Variants in PCOLCE2 observed in about 807,000 individuals in gnomAD.
PCOLCE2 encodes procollagen C-endopeptidase enhancer 2, also known as procollagen C-proteinase enhancer 2.
Under a neutral mutation model 47.0 loss-of-function variants are expected in PCOLCE2, and 42 were observed. That is an observed-to-expected ratio of 0.89 (90% confidence interval 0.70 to 1.16). PCOLCE2 has a LOEUF of 1.16. PCOLCE2 is among the 50% of genes most tolerant of loss of function. PCOLCE2 has a pLI of 0.00. For missense variants in PCOLCE2, 500 were observed against 526.1 expected (o/e 0.95, Z 0.49); for synonymous variants, 169 against 191.7 (o/e 0.88, Z 0.98).
intron 2 of PCOLCE2, among the ~76,000 whole-genome samples, chr3:142,879,703 C>T (rs1016099552): frequency 6.6e-6 from 1 of 152,182 alleles, no homozygotes; most frequent in Non-Finnish European, 1.5e-5. Context: ...GGCACGGTGG[C>T]TCACGCCTAT....
chr3:142,873,746 G>A (rs1361290906), intron 2 of PCOLCE2, among the ~76,000 whole-genome samples: 1 of 152,190 alleles, frequency 6.6e-6, no homozygotes, highest in Non-Finnish European at 1.5e-5. Flanking sequence ...TCATGTCACC[G>A]ATGTTGGTAC....
chr3:142,840,378 A>G (rs1296202915), intron 4 of PCOLCE2, among the ~76,000 whole-genome samples: 1 of 152,150 alleles, frequency 6.6e-6, no homozygotes, highest in Non-Finnish European at 1.5e-5. Flanking sequence ...ATCAAAGGAA[A>G]CCTCACTGGA....
At chr3:142,879,316 C>A (rs1933559158) in intron 2 of PCOLCE2, among the ~76,000 whole-genome samples, 1 of 151,850 alleles carries the variant, frequency 6.6e-6, no homozygotes, top group Non-Finnish European at 1.5e-5. Context: ...ACTCATTAAA[C>A]CTCTTCTAAG....
chr3:142,853,101 T>TA (rs372555197), intron 2 of PCOLCE2, among the ~76,000 whole-genome samples: 8,847 of 129,922 alleles, frequency 0.068, 259 homozygotes, highest in Middle Eastern at 0.11. Flanking sequence ...AGACCCTGTT[T>TA]AAAAAAAAAA....
At chr3:142,860,600 G>T (rs1265067443) in intron 2 of PCOLCE2, among the ~76,000 whole-genome samples, 1 of 152,112 alleles carries the variant, frequency 6.6e-6, no homozygotes, top group African/African-American at 2.4e-5. Flanking sequence ...TAGAGACAAG[G>T]TTTCACCATG....
At chr3:142,863,530 A>G (rs1344097207) in intron 2 of PCOLCE2, among the ~76,000 whole-genome samples, 1 of 152,140 alleles carries the variant, frequency 6.6e-6, no homozygotes, top group Non-Finnish European at 1.5e-5. Context: ...TACAAGAGAA[A>G]ACAACGTCTG....
rs1280461781 is a variant in PCOLCE2, at chr3:142,875,572, A to C, written c.192+12097T>G. 2.6e-5 allele frequency among the ~76,000 whole-genome samples: 4 copies of C among 152,220 alleles called. No individual in the cohort carries two copies. The East Asian group carries it at 7.7e-4, about 29-fold the overall frequency. ...CAATCAACAGATGAATGTATAAATG[A>C]AATGTCCTTGCTGATGGAAGTACTC... On this transcript the variant is annotated intron_variant, in intron 2 of 8. Coordinates refer to ENST00000295992, the MANE Select transcript of PCOLCE2 (RefSeq NM_013363.4).
chr3:142,833,798 T>A (rs190788113), intron 5 of PCOLCE2, among the ~76,000 whole-genome samples: 1 of 152,286 alleles, frequency 6.6e-6, no homozygotes, highest in East Asian at 1.9e-4. Context: ...CTGTTCCTTG[T>A]TAATTTTTAG....
At chr3:142,860,470 G>T (rs537807250) in intron 2 of PCOLCE2, among the ~76,000 whole-genome samples, 1 of 151,516 alleles carries the variant, frequency 6.6e-6, no homozygotes, top group African/African-American at 2.4e-5. Flanking sequence ...TTGCAATGTC[G>T]CGATCTCGGC....
intron 2 of PCOLCE2, chr3:142,864,290 C>A (rs1251841684): frequency 6.6e-6 from 1 of 152,180 alleles, no homozygotes; most frequent in African/African-American, 2.4e-5. Flanking sequence ...ATGAGAAGCA[C>A]TTATGCTGTG....
Position 142,888,980 on chromosome 3 carries a change from C to CGCTCACACTGGCAGTAGCGCTG in PCOLCE2, c.-85_-84insCAGCGCTACTGCCAGTGTGAGC. 1.9e-6 allele frequency: 1 copy of CGCTCACACTGGCAGTAGCGCTG among 514,054 alleles called. No homozygotes were observed. The highest frequency in any genetic ancestry group is 4.4e-5 in the Admixed American group (1 of 22,646). The allele number at this position is 514,054 out of a possible 1,614,324, so 31.8% of individuals were successfully genotyped here. A position where few individuals can be genotyped will look rare whatever the true frequency, so the allele number is the denominator to read the frequency against. ...TCCGCACCCACCGCGCTCACACCGC[C>CGCTCACACTGGCAGTAGCGCTG]GCTCACACTGGCAGCAGCGCTGGCT... On this transcript the variant is annotated 5_prime_UTR_variant, in exon 1 of 9. Coordinates refer to ENST00000295992, the MANE Select transcript of PCOLCE2 (RefSeq NM_013363.4).
At chr3:142,869,856 G>A (rs1933351896) in intron 2 of PCOLCE2, among the ~76,000 whole-genome samples, 1 of 152,130 alleles carries the variant, frequency 6.6e-6, no homozygotes, top group Non-Finnish European at 1.5e-5. Context: ...ACCAAGCTGT[G>A]GCCCAACCAA....
intron 2 of PCOLCE2, among the ~76,000 whole-genome samples, chr3:142,874,317 G>A (rs774346952): frequency 1.3e-5 from 2 of 152,088 alleles, no homozygotes; most frequent in Admixed American, 6.5e-5. Flanking sequence ...TTTGTGATCC[G>A]CCTGCCTTGG....
At chr3:142,884,798 G>A (rs1228844813) in intron 2 of PCOLCE2, among the ~76,000 whole-genome samples, 1 of 152,156 alleles carries the variant, frequency 6.6e-6, no homozygotes, top group African/African-American at 2.4e-5. Context: ...GTAAAATTAA[G>A]CATAAAATTT....
At chr3:142,853,024 T>C (rs1486504486) in intron 2 of PCOLCE2, among the ~76,000 whole-genome samples, 1 of 150,990 alleles carries the variant, frequency 6.6e-6, no homozygotes, top group East Asian at 1.9e-4. Flanking sequence ...GAGGATTACT[T>C]GAGCCTGGGA....
chr3:142,847,481 G>A (rs1937339397), intron 3 of PCOLCE2, among the ~76,000 whole-genome samples: 1 of 152,190 alleles, frequency 6.6e-6, no homozygotes, highest in Admixed American at 6.5e-5. Context: ...TCTTTCAAAA[G>A]TAGAGATTTC....
chr3:142,854,209 G>A lies in PCOLCE2; in HGVS notation c.193-5737C>T, dbSNP rs200428961. On this transcript the variant is annotated intron_variant, in intron 2 of 8. Transcript: ENST00000295992. ...TCAAAAAGAACTGTTTTTGCAGCAC[G>A]TGATTTTTTTTTAAGCCATCATTCT... Among the ~76,000 whole-genome samples, 17 of 20,800 alleles carry A rather than the reference G, an allele frequency of 8.2e-4. 1 individual carries two copies. Among genetic ancestry groups the A allele is most frequent in the East Asian group, 7.5e-3 (17 of 2,262 alleles). The allele number at this position is 20,800 out of a possible 152,430, so 13.6% of individuals were successfully genotyped here.
At chr3:142,871,065 CCT>C (rs1400787648) in intron 2 of PCOLCE2, among the ~76,000 whole-genome samples, 1 of 152,220 alleles carries the variant, frequency 6.6e-6, no homozygotes, top group Non-Finnish European at 1.5e-5. Flanking sequence ...AGCCGCTCCA[CCT>C]CTGTCTTCCC....
intron 5 of PCOLCE2, among the ~76,000 whole-genome samples, chr3:142,830,750 A>G (rs1463902882): frequency 6.6e-6 from 1 of 152,238 alleles, no homozygotes; most frequent in Non-Finnish European, 1.5e-5. Flanking sequence ...TATTTACACA[A>G]TGGTTAAAAA....
Sources: allele counts gnomAD v4.1 joint callset (sites outside exome capture counted in the v4.1 genomes callset), GRCh38; gene constraint gnomAD v4.1.1; transcripts MANE v1.5; gene names NCBI Gene and HGNC (gene_info 2026-07-23, HGNC 2026-07-21).